LHFPL3: variants seen among roughly 807,000 people sequenced by gnomAD.
The protein encoded by LHFPL3 is LHFPL tetraspan subfamily member 3 protein.
LHFPL3 carries 5 observed loss-of-function variants against 19.3 expected under a neutral mutation model. The ratio of observed to expected loss-of-function variants is 0.26; its 90% CI spans 0.14 to 0.54. LHFPL3 has a LOEUF of 0.54. LHFPL3 is among the 20% of genes least tolerant of loss of function. The pLI, the probability that LHFPL3 is intolerant of heterozygous loss-of-function variation, is 0.94. For synonymous variants in LHFPL3, 133 were observed against 126.2 expected, an observed-to-expected ratio of 1.05 and a Z score of -0.36; for missense variants, 249 against 307.4, an observed-to-expected ratio of 0.81 and a Z score of 1.42.
At chr7:104,485,617 T>C (rs1472638116) in intron 1 of LHFPL3, among the ~76,000 whole-genome samples, 1 of 152,220 alleles carries the variant, frequency 6.6e-6, no homozygotes, top group African/African-American at 2.4e-5. Context: ...GATTAGATTT[T>C]CTATCATTTT....
intron 2 of LHFPL3, among the ~76,000 whole-genome samples, chr7:104,868,628 A>G (rs981110546): frequency 1.3e-5 from 2 of 152,196 alleles, no homozygotes; most frequent in African/African-American, 4.8e-5. Flanking sequence ...AAGAATCAAT[A>G]TCGTGAAAAT....
At chr7:104,662,091 A>T (rs73181836) in intron 1 of LHFPL3, among the ~76,000 whole-genome samples, 10,495 of 152,254 alleles carry the variant, frequency 0.069, 587 homozygotes, top group African/African-American at 0.15. Context: ...AATGACACAC[A>T]GTTTAAAACT....
intron 1 of LHFPL3, among the ~76,000 whole-genome samples, chr7:104,495,605 C>G (rs184008376): frequency 1.6e-3 from 239 of 152,216 alleles, no homozygotes; most frequent in Admixed American, 2.4e-3. Flanking sequence ...GGATGGTCTC[C>G]ATCTCCTGAC....
intron 2 of LHFPL3, among the ~76,000 whole-genome samples, chr7:104,791,449 G>C (rs1790022181): frequency 6.6e-6 from 1 of 152,160 alleles, no homozygotes; most frequent in Non-Finnish European, 1.5e-5. Flanking sequence ...TTCTCCTTTT[G>C]CATCACAGAC....
intron 1 of LHFPL3, among the ~76,000 whole-genome samples, chr7:104,683,759 A>G (rs1216204161): frequency 6.6e-6 from 1 of 152,246 alleles, no homozygotes; most frequent in Non-Finnish European, 1.5e-5. Flanking sequence ...AAATAAAAAC[A>G]ACAATCAAAA....
At chr7:104,815,062 G>T (rs1458351140) in intron 2 of LHFPL3, among the ~76,000 whole-genome samples, 2 of 152,136 alleles carry the variant, frequency 1.3e-5, no homozygotes, top group East Asian at 1.9e-4. Flanking sequence ...GGTGGCTGCA[G>T]CTATGCCCAG....
At chr7:104,435,689 G>A (rs1165768930) in intron 1 of LHFPL3, among the ~76,000 whole-genome samples, 1 of 151,522 alleles carries the variant, frequency 6.6e-6, no homozygotes, top group Admixed American at 6.6e-5. Flanking sequence ...TGCTTGGGTT[G>A]TTGAATATCT....
At chr7:104,353,123 T>A (rs1790210716) in intron 1 of LHFPL3, among the ~76,000 whole-genome samples, 1 of 152,180 alleles carries the variant, frequency 6.6e-6, no homozygotes, top group Non-Finnish European at 1.5e-5. Flanking sequence ...CCCGACATGT[T>A]CATGAAACCA....
chr7:104,861,474 C>T (rs956476265), intron 2 of LHFPL3, among the ~76,000 whole-genome samples: 2 of 152,168 alleles, frequency 1.3e-5, no homozygotes, highest in African/African-American at 2.4e-5. Context: ...GGAGAAGCAG[C>T]TATTTCCACA....
chr7:104,673,909 G>T (rs185657447), intron 1 of LHFPL3, among the ~76,000 whole-genome samples: 10 of 152,238 alleles, frequency 6.6e-5, no homozygotes, highest in Non-Finnish European at 1.5e-4. Context: ...ATGCTCATCT[G>T]CATAGTTCAT....
chr7:104,610,548 G>A (rs1284977054), intron 1 of LHFPL3, among the ~76,000 whole-genome samples: 1 of 152,106 alleles, frequency 6.6e-6, no homozygotes, highest in African/African-American at 2.4e-5. Flanking sequence ...ACAGGCTTGA[G>A]AACCAGGAGA....
chr7:104,655,069 C>T (rs1040423897), intron 1 of LHFPL3, among the ~76,000 whole-genome samples: 5 of 152,210 alleles, frequency 3.3e-5, no homozygotes, highest in African/African-American at 1.2e-4. Context: ...CTGTCCTAAG[C>T]AATGACAATC....
chr7:104,569,126 TAGTGATTGAAGAACAG>T (rs778343379), intron 1 of LHFPL3, among the ~76,000 whole-genome samples: 4 of 152,210 alleles, frequency 2.6e-5, no homozygotes, highest in Non-Finnish European at 5.9e-5. Context: ...GTAGGCAATA[TAGTGATTGAAGAACAG>T]AGAATTGGAA....
chr7:104,610,279 A>C (rs1791187571), intron 1 of LHFPL3, among the ~76,000 whole-genome samples: 1 of 151,984 alleles, frequency 6.6e-6, no homozygotes, highest in African/African-American at 2.4e-5. Flanking sequence ...AGCAAGGCCA[A>C]CCCTTCTTTA....
At chr7:104,764,044 C>T (rs1794416796) in intron 2 of LHFPL3, among the ~76,000 whole-genome samples, 1 of 152,222 alleles carries the variant, frequency 6.6e-6, no homozygotes, top group African/African-American at 2.4e-5. Flanking sequence ...CAACCTACTT[C>T]ATTCTTTCTT....
intron 2 of LHFPL3, among the ~76,000 whole-genome samples, chr7:104,775,373 G>T (rs1794621723): frequency 6.6e-6 from 1 of 152,178 alleles, no homozygotes; most frequent in Non-Finnish European, 1.5e-5. Flanking sequence ...TCTAGCCTGG[G>T]CAACAGAGTG....
Position 104,668,008 on chromosome 7 carries a change from G to C in LHFPL3, c.446-68667G>C, listed in dbSNP as rs57213622. On this transcript the variant is annotated intron_variant, in intron 1 of 2. Transcript: ENST00000424859. The stretch of plus-strand genomic sequence containing the variant: ...GCTGCTCGGGAACCCAATATCGACC[G>C]GAGCCGTCTTCCCAAATCGCCACCC... 6.0e-3 allele frequency: 9,702 copies of C among 1,613,598 alleles called. 538 individuals carry two copies. The African/African-American group carries it at 0.12, about 19-fold the overall frequency.
At chr7:104,790,198 C>T (rs35708701) in intron 2 of LHFPL3, among the ~76,000 whole-genome samples, 1 of 152,078 alleles carries the variant, frequency 6.6e-6, no homozygotes, top group Non-Finnish European at 1.5e-5. Context: ...GATATTAAAG[C>T]TTTAAGGGAT....
intron 1 of LHFPL3, among the ~76,000 whole-genome samples, chr7:104,667,473 G>C (rs1326288309): frequency 6.6e-6 from 1 of 152,118 alleles, no homozygotes; most frequent in Non-Finnish European, 1.5e-5. Flanking sequence ...CTACTCTCCT[G>C]GGTGCTTATG....
Sources: allele counts gnomAD v4.1 joint callset (sites outside exome capture counted in the v4.1 genomes callset), GRCh38; gene constraint gnomAD v4.1.1; transcripts MANE v1.5; gene names NCBI Gene and HGNC (gene_info 2026-07-23, HGNC 2026-07-21).